MAST4: variants seen among roughly 807,000 people sequenced by gnomAD.
The protein encoded by MAST4 is microtubule-associated serine/threonine-protein kinase 4.
MAST4 carries 89 observed loss-of-function variants against 162.7 expected under a neutral mutation model. The ratio of observed to expected loss-of-function variants is 0.55; its 90% CI spans 0.46 to 0.65. The LOEUF (loss-of-function observed/expected upper bound fraction) is 0.65. MAST4 is among the 30% of genes least tolerant of loss of function. The pLI is 0.00. For synonymous variants in MAST4, 1,479 were observed against 1,361.1 expected, an observed-to-expected ratio of 1.09 and a Z score of -1.91; for missense variants, 3,153 against 3,374.0, an observed-to-expected ratio of 0.93 and a Z score of 1.62.
intron 1 of MAST4, among the ~76,000 whole-genome samples, chr5:66,638,313 A>G (rs1391299085): frequency 1.3e-5 from 2 of 152,128 alleles, no homozygotes; most frequent in Admixed American, 1.3e-4. Flanking sequence ...TTTAAGGACA[A>G]TATTAAAACT....
chr5:66,673,938 A>C (rs1030565668), intron 1 of MAST4, among the ~76,000 whole-genome samples: 3 of 152,200 alleles, frequency 2.0e-5, no homozygotes, highest in African/African-American at 7.2e-5. Context: ...TTGTATTTTT[A>C]TGTTAGTTAA....
chr5:66,646,397 T>C (rs1365033523), intron 1 of MAST4, among the ~76,000 whole-genome samples: 1 of 152,172 alleles, frequency 6.6e-6, no homozygotes, highest in African/African-American at 2.4e-5. Flanking sequence ...GCTCTGATTT[T>C]AACCCTTCTT....
Position 67,166,369 on chromosome 5 carries a change from A to G in MAST4, c.7190A>G (p.Glu2397Gly), listed in dbSNP as rs774634795. ...LEAGLSFVHS[E>G]NRLKGAERPA... ...GCCGGCCTTTCCTTTGTGCATAGCG[A>G]GAACCGGTTGAAAGGCGCGGAGCGG... The change falls in exon 29 of 29, where the codon GAG becomes GGG. Residue 2397 changes from glutamate to glycine, a missense_variant. Physicochemically the swap from Glu to Gly is moderately conservative, Grantham distance 98. Transcript: ENST00000403625. 3 of 1,611,412 alleles carry G rather than the reference A, an allele frequency of 1.9e-6. No homozygotes were observed. The highest frequency in any genetic ancestry group is 8.5e-7 in the Non-Finnish European group (1 of 1,178,718).
At chr5:66,824,234 C>T (rs761579576) in intron 3 of MAST4, among the ~76,000 whole-genome samples, 1 of 152,154 alleles carries the variant, frequency 6.6e-6, no homozygotes, top group Non-Finnish European at 1.5e-5. Context: ...AGGAGAGATC[C>T]CACCCCAGAT....
intron 3 of MAST4, among the ~76,000 whole-genome samples, chr5:66,886,122 C>G (rs1762024370): frequency 6.6e-6 from 1 of 152,188 alleles, no homozygotes; most frequent in African/African-American, 2.4e-5. Context: ...ACTTCTGAGC[C>G]ACTCTGCCAG....
At chr5:66,966,656 C>T (rs1304365064) in intron 4 of MAST4, among the ~76,000 whole-genome samples, 1 of 152,124 alleles carries the variant, frequency 6.6e-6, no homozygotes, top group East Asian at 1.9e-4. Flanking sequence ...CATTTCATGG[C>T]CTAGAAGGTG....
chr5:67,142,321 T>A (rs1375172650), intron 20 of MAST4, 84 bp downstream of exon 20: 12 of 1,551,462 alleles, frequency 7.7e-6, no homozygotes, highest in African/African-American at 1.4e-5. Flanking sequence ...TTCATATCTC[T>A]GAGTTCTTAA....
intron 3 of MAST4, among the ~76,000 whole-genome samples, chr5:66,824,094 A>G (rs929353399): frequency 2.6e-5 from 4 of 152,220 alleles, no homozygotes; most frequent in African/African-American, 9.6e-5. Flanking sequence ...TTACCTCTGA[A>G]TGAACATTTA....
At chr5:66,827,682 T>TA (rs1204497013) in intron 3 of MAST4, among the ~76,000 whole-genome samples, 1 of 152,302 alleles carries the variant, frequency 6.6e-6, no homozygotes, top group East Asian at 1.9e-4. Flanking sequence ...GTTAGTGATT[T>TA]AAAAAAATGT....
At chr5:67,006,019 C>A (rs995789347) in intron 4 of MAST4, among the ~76,000 whole-genome samples, 1 of 152,150 alleles carries the variant, frequency 6.6e-6, no homozygotes, top group Non-Finnish European at 1.5e-5. Context: ...GAAAATGGTT[C>A]GTTCTTTTTG....
intron 1 of MAST4, among the ~76,000 whole-genome samples, chr5:66,732,495 T>G (rs762170209): frequency 1.3e-5 from 2 of 152,242 alleles, no homozygotes; most frequent in Non-Finnish European, 2.9e-5. Flanking sequence ...TCTAGCACTT[T>G]GGACACACCT....
At chr5:67,045,366 G>A (rs539823449) in intron 4 of MAST4, among the ~76,000 whole-genome samples, 11 of 152,278 alleles carry the variant, frequency 7.2e-5, no homozygotes, top group African/African-American at 1.7e-4. Context: ...CCAATGACAC[G>A]TGCTAATACT....
intron 1 of MAST4, among the ~76,000 whole-genome samples, chr5:66,684,612 C>T (rs1748529300): frequency 6.6e-6 from 1 of 152,112 alleles, no homozygotes; most frequent in South Asian, 2.1e-4. Flanking sequence ...TGAAAACCTG[C>T]CTAAAGGGCT....
chr5:66,690,182 A>G (rs1030886616), intron 1 of MAST4, among the ~76,000 whole-genome samples: 1 of 152,172 alleles, frequency 6.6e-6, no homozygotes, highest in Non-Finnish European at 1.5e-5. Flanking sequence ...TCATTCATCA[A>G]ATAAGAACCA....
chr5:66,730,138 C>T (rs1751753203), intron 1 of MAST4, among the ~76,000 whole-genome samples: 1 of 152,070 alleles, frequency 6.6e-6, no homozygotes, highest in African/African-American at 2.4e-5. Context: ...AATCAAATCC[C>T]CTGACCTCTG....
At chr5:66,841,075 A>G (rs1328472767) in intron 3 of MAST4, among the ~76,000 whole-genome samples, 1 of 152,152 alleles carries the variant, frequency 6.6e-6, no homozygotes, top group Non-Finnish European at 1.5e-5. Flanking sequence ...TTTTGCCATC[A>G]ATAAGATATA....
At chr5:66,991,977 T>TA (rs1750110970) in intron 4 of MAST4, among the ~76,000 whole-genome samples, 1 of 152,214 alleles carries the variant, frequency 6.6e-6, no homozygotes, top group African/African-American at 2.4e-5. Flanking sequence ...GGCAGACAGA[T>TA]ACAGTCATGG....
chr5:67,045,955 T>C (rs754754035), intron 4 of MAST4, among the ~76,000 whole-genome samples: 37 of 152,228 alleles, frequency 2.4e-4, no homozygotes, highest in Non-Finnish European at 4.7e-4. Context: ...CTGAAGTCCC[T>C]ACTCCTGTCT....
At chr5:66,633,981 A>G (rs943799285) in intron 1 of MAST4, among the ~76,000 whole-genome samples, 5 of 152,188 alleles carry the variant, frequency 3.3e-5, no homozygotes, top group Non-Finnish European at 7.3e-5. Flanking sequence ...TTATGAGGAC[A>G]CAGGGGAGAC....
Sources: allele counts gnomAD v4.1 joint callset (sites outside exome capture counted in the v4.1 genomes callset), GRCh38; gene constraint gnomAD v4.1.1; transcripts MANE v1.5; gene names NCBI Gene and HGNC (gene_info 2026-07-23, HGNC 2026-07-21).